ERN1: variants seen among roughly 807,000 people sequenced by gnomAD.
ERN1 encodes endoplasmic reticulum to nucleus signaling 1.
ERN1 carries 39 observed loss-of-function variants against 113.1 expected under a neutral mutation model. The observed-to-expected ratio is 0.34, with a 90% CI of 0.27 to 0.45. ERN1 has a LOEUF of 0.45. ERN1 is among the 20% of genes least tolerant of loss of function. The pLI, the probability that ERN1 is intolerant of heterozygous loss-of-function variation, is 1.00. For synonymous variants in ERN1, 507 were observed against 515.9 expected, an observed-to-expected ratio of 0.98 and a Z score of 0.23; for missense variants, 976 against 1,274.8, an observed-to-expected ratio of 0.77 and a Z score of 3.57.
chr17:64,110,657 T>C (rs185287215), intron 1 of ERN1, among the ~76,000 whole-genome samples: 1 of 152,252 alleles, frequency 6.6e-6, no homozygotes, highest in African/African-American at 2.4e-5. Context: ...CAGTAAGCTA[T>C]GGCTGCTTCA....
chr17:64,114,236 C>T (rs60483359), intron 1 of ERN1, among the ~76,000 whole-genome samples: 2,990 of 152,210 alleles, frequency 0.02, 91 homozygotes, highest in African/African-American at 0.068. Context: ...GATCTGGTTT[C>T]CTGCTTTCAT....
chr17:64,055,159 A>G (rs1912819550), intron 13 of ERN1, among the ~76,000 whole-genome samples: 1 of 152,254 alleles, frequency 6.6e-6, no homozygotes, highest in Admixed American at 6.5e-5. Context: ...TTAATAGTTA[A>G]CAACCACCAC....
chr17:64,057,526 G>T (rs1011525956), intron 12 of ERN1, among the ~76,000 whole-genome samples: 1 of 152,096 alleles, frequency 6.6e-6, no homozygotes, highest in African/African-American at 2.4e-5. Flanking sequence ...CTGCCACCAT[G>T]CCCGGCTAAT....
intron 2 of ERN1, among the ~76,000 whole-genome samples, chr17:64,082,350 A>C (rs893668098): frequency 6.6e-6 from 1 of 152,202 alleles, no homozygotes; most frequent in African/African-American, 2.4e-5. Flanking sequence ...AGACTGATGC[A>C]AGAGACAGGA....
In ERN1 at chr17:64,068,259, G is replaced by A. The variant is rs1159702917; in HGVS notation, c.511C>T (p.Arg171Ter). The change falls in exon 7 of 22, where the codon CGA (arginine) becomes TGA (stop). Residue 171 changes from arginine to a stop codon, truncating the protein, a stop_gained. Transcript: ENST00000433197. LOFTEE classifies it high-confidence loss of function. ...TAGGTGGCATTCCACCGGAGCTCTC[G>A]GGTTTTGGTGTCGTACATGGTGATG... is the stretch of plus-strand genomic sequence containing the variant. ...YTITMYDTKT[R>*]ELRWNATYFD... is the part of the protein sequence containing the mutation. The A allele has an allele frequency of 1.9e-6, 3 of 1,612,766 alleles. No homozygotes were observed. Among genetic ancestry groups the A allele is most frequent in the African/African-American group, 1.3e-5 (1 of 75,012 alleles).
In ERN1 at chr17:64,040,220, T is replaced by C. The variant is rs1311969096; in HGVS notation, c.*3768A>G. The C allele has an allele frequency of 6.6e-6, 1 of 152,228 alleles. No homozygotes were observed. Among genetic ancestry groups the C allele is most frequent in the Non-Finnish European group, 1.5e-5 (1 of 68,072 alleles). The allele number at this position is 152,228 out of a possible 1,614,324, so 9.4% of individuals were successfully genotyped here. A position where few individuals can be genotyped will look rare whatever the true frequency, so the allele number is the denominator to read the frequency against. On this transcript the variant is annotated 3_prime_UTR_variant, in exon 22 of 22. Transcript: ENST00000433197. ...AGAGAGAGAAAGCGACATGGGGGAC[T>C]TAAAGAGGCTCCTTCCAGGGCGCTG...
intron 9 of ERN1, among the ~76,000 whole-genome samples, 167 bp from the exon 10 acceptor site, chr17:64,064,318 A>G (rs1913148822): frequency 6.6e-6 from 1 of 152,262 alleles, no homozygotes; most frequent in African/African-American, 2.4e-5. Context: ...CTTCTCCCTC[A>G]GGATGTGACA....
At chr17:64,109,629 C>T (rs991820752) in intron 1 of ERN1, among the ~76,000 whole-genome samples, 1 of 152,202 alleles carries the variant, frequency 6.6e-6, no homozygotes, top group African/African-American at 2.4e-5. Flanking sequence ...CTGTTTACTG[C>T]TTCTGGGATG....
intron 1 of ERN1, among the ~76,000 whole-genome samples, chr17:64,121,614 T>A (rs1317763505): frequency 6.6e-6 from 1 of 152,136 alleles, no homozygotes; most frequent in African/African-American, 2.4e-5. Flanking sequence ...CTCAGCCTCA[T>A]GAGTAGCTGG....
intron 2 of ERN1, among the ~76,000 whole-genome samples, chr17:64,095,491 T>C: frequency 6.6e-6 from 1 of 152,170 alleles, no homozygotes; most frequent in East Asian, 1.9e-4. Flanking sequence ...AATTCTTCTT[T>C]AAGTGTCTTG....
rs1912931350 is a variant in ERN1 at position 64,057,989 on chromosome 17, A to G, written c.1211T>C (p.Ile404Thr). The G allele has an allele frequency of 6.4e-7, 1 of 1,552,930 alleles. No homozygotes were observed. Among genetic ancestry groups the G allele is most frequent in the Non-Finnish European group, 8.7e-7 (1 of 1,148,838 alleles). Reference protein sequence around the residue: ...DSEKKSFEEVINLVDQTSENA... With the variant: ...DSEKKSFEEVTNLVDQTSENA... ...TTCTGAAGTCTGGTCAACCAGGTTGATAACCTTGCATGGGAGAGAGTTGCG... is the reference window on the plus strand; with the variant it reads ...TTCTGAAGTCTGGTCAACCAGGTTGGTAACCTTGCATGGGAGAGAGTTGCG... Residue 404 changes from isoleucine to threonine, a missense_variant, in exon 12 of 22, where the codon ATC becomes ACC. By Grantham distance (89) the Ile-to-Thr change is moderately conservative (BLOSUM62 -1). Coordinates refer to ENST00000433197, the MANE Select transcript of ERN1 (RefSeq NM_001433.5).
chr17:64,052,537 CAA>C (rs5821416), intron 17 of ERN1, among the ~76,000 whole-genome samples: 22 of 144,792 alleles, frequency 1.5e-4, no homozygotes, highest in Admixed American at 1.4e-4. Flanking sequence ...ACCAACCAAA[CAA>C]AAAAAAAAAA....
At chr17:64,073,727 G>A (rs1456144016) in intron 5 of ERN1, among the ~76,000 whole-genome samples, 4 of 152,172 alleles carry the variant, frequency 2.6e-5, no homozygotes, top group Admixed American at 6.5e-5. Context: ...TCCTGACCTC[G>A]TGATCTGCCC....
chr17:64,083,828 T>C (rs1321282470), intron 2 of ERN1, among the ~76,000 whole-genome samples: 2 of 152,204 alleles, frequency 1.3e-5, no homozygotes, highest in African/African-American at 2.4e-5. Context: ...AAGATGCTCA[T>C]TGCTAGGCTA....
chr17:64,094,690 C>T (rs536360316), intron 2 of ERN1, among the ~76,000 whole-genome samples: 2 of 151,642 alleles, frequency 1.3e-5, no homozygotes, highest in South Asian at 4.2e-4. Flanking sequence ...CTACAAGACT[C>T]CCTTGCCTCC....
Position 64,098,121 on chromosome 17 carries a change from C to G in ERN1, c.175G>C (p.Asp59His). The G allele has an allele frequency of 6.2e-7, 1 of 1,613,862 alleles. No homozygotes were observed. Among genetic ancestry groups the G allele is most frequent in the Non-Finnish European group, 8.5e-7 (1 of 1,179,826 alleles). The change falls in exon 2 of 22, where the codon GAT becomes CAT. Residue 59 changes from aspartate (D) to histidine (H), a missense_variant and splice_region_variant. Physicochemically the swap from Asp to His is moderately conservative, Grantham distance 81. Transcript: ENST00000433197. ...TGSIKWTLKEDPVLQVPTHVE... is the reference protein window; with the variant it reads ...TGSIKWTLKEHPVLQVPTHVE... ...CGCCCAAGGACCAAATCCAAATTAC[C>G]TTCTTTTAAAGTCCATTTGATTGAG...
chr17:64,046,755 C>T (rs999221942), intron 19 of ERN1, among the ~76,000 whole-genome samples: 1 of 152,220 alleles, frequency 6.6e-6, no homozygotes, highest in South Asian at 2.1e-4. Context: ...ATGGTCACTT[C>T]TCAGTACGGT....
At chr17:64,084,764 G>T (rs1228002596) in intron 2 of ERN1, among the ~76,000 whole-genome samples, 3 of 152,132 alleles carry the variant, frequency 2.0e-5, no homozygotes, top group Non-Finnish European at 4.4e-5. Context: ...CTTTCAACCT[G>T]TCACCCTTTA....
intron 13 of ERN1, among the ~76,000 whole-genome samples, chr17:64,055,110 C>T (rs1272270227): frequency 6.6e-6 from 1 of 152,264 alleles, no homozygotes; most frequent in Non-Finnish European, 1.5e-5. Context: ...TAGCGTTTCA[C>T]ACACTTATAC....
Sources: allele counts gnomAD v4.1 joint callset (sites outside exome capture counted in the v4.1 genomes callset), GRCh38; gene constraint gnomAD v4.1.1; transcripts MANE v1.5; gene names NCBI Gene and HGNC (gene_info 2026-07-23, HGNC 2026-07-21).